EYA3: variants seen among roughly 807,000 people sequenced by gnomAD.
The protein encoded by EYA3 is EYA transcriptional coactivator and phosphatase 3, also known as protein phosphatase EYA3.
A neutral mutation model predicts 80.0 loss-of-function variants in EYA3; 39 were observed. The observed-to-expected ratio is 0.49, with a 90% CI of 0.38 to 0.64. EYA3 has a LOEUF of 0.64. Among genes scored for constraint, EYA3 ranks in the 30% least tolerant of loss-of-function variants. EYA3 has a pLI of 0.00. For missense variants in EYA3, 523 were observed against 676.1 expected (o/e 0.77, Z 2.51); for synonymous variants, 206 against 232.8 (o/e 0.88, Z 1.05).
chr1:28,016,383 G>T (rs1475306800), intron 8 of EYA3, among the ~76,000 whole-genome samples: 1 of 152,040 alleles, frequency 6.6e-6, no homozygotes, highest in African/African-American at 2.4e-5. Flanking sequence ...ACAAAAATTA[G>T]CTGGGCATGG....
At chr1:28,074,529 T>TA (rs1399392183) in intron 1 of EYA3, among the ~76,000 whole-genome samples, 1 of 142,912 alleles carries the variant, frequency 7.0e-6, no homozygotes, top group Non-Finnish European at 1.6e-5. Flanking sequence ...TTTTTTTTTT[T>TA]AAAGAAATGA....
chr1:28,047,921 G>A lies in EYA3; in HGVS notation c.77+462C>T, dbSNP rs142692273. Among the ~76,000 whole-genome samples, 1,232 of 152,296 alleles carry A rather than the reference G, an allele frequency of 8.1e-3. 9 individuals are homozygous for A. The highest frequency in any genetic ancestry group is 0.037 in the East Asian group (193 of 5,190). ...CCCAAAGTGCTGGGATTACAGGCGT[G>A]AGCGACCGTGCCAGGCGCAAGCTTC... On this transcript the variant is annotated intron_variant, in intron 3 of 17. Transcript: ENST00000373871.
chr1:28,049,167 T>C (rs113659358), intron 2 of EYA3, among the ~76,000 whole-genome samples: 8 of 152,314 alleles, frequency 5.3e-5, no homozygotes, highest in South Asian at 2.1e-4. Context: ...TCCTAGATAA[T>C]TTGAAGCAAG....
chr1:28,035,665 A>G lies in EYA3; in HGVS notation c.240T>C (p.Ile80=). The G allele has an allele frequency of 6.2e-7, 1 of 1,613,988 alleles. No individual in the cohort carries two copies. Among genetic ancestry groups the G allele is most frequent in the South Asian group, 1.1e-5 (1 of 91,030 alleles). The change falls in exon 6 of 18, where the codon ATT becomes ATC. Residue 80 remains isoleucine, a synonymous_variant. Transcript: ENST00000373871. The part of the protein sequence containing the change: ...QMYSAKPYAH[I]LSVPVSETAY... ...CAGTTTCCGAAACAGGAACTGAGAGAATATGTGCATAAGGTCTGGAAAATT... is the reference window on the plus strand; with the variant it reads ...CAGTTTCCGAAACAGGAACTGAGAGGATATGTGCATAAGGTCTGGAAAATT...
At chr1:28,051,577 C>T (rs1644252031) in intron 2 of EYA3, among the ~76,000 whole-genome samples, 1 of 152,102 alleles carries the variant, frequency 6.6e-6, no homozygotes, top group Admixed American at 6.5e-5. Context: ...ATCTCAGCTA[C>T]TCAGGAGGCT....
At chr1:27,974,620 T>C in intron 17 of EYA3, 74 bp from the exon 18 acceptor site, 1 of 1,237,980 alleles carries the variant, frequency 8.1e-7, no homozygotes, top group Non-Finnish European at 1.2e-6. Flanking sequence ...CCATACTCTT[T>C]CCTCAACACA....
intron 14 of EYA3, among the ~76,000 whole-genome samples, chr1:27,990,899 T>A (rs1212833068): frequency 6.6e-6 from 1 of 151,916 alleles, no homozygotes; most frequent in Non-Finnish European, 1.5e-5. Context: ...AGAGTAGTGC[T>A]ACCCAGAATG....
At chr1:28,080,423 C>T (rs1416728332) in intron 1 of EYA3, among the ~76,000 whole-genome samples, 1 of 152,134 alleles carries the variant, frequency 6.6e-6, no homozygotes, top group East Asian at 1.9e-4. Flanking sequence ...CGTCACTACG[C>T]TTCAGCCCAG....
chr1:27,992,326 G>C (rs1338943774), intron 14 of EYA3, among the ~76,000 whole-genome samples: 1 of 152,172 alleles, frequency 6.6e-6, no homozygotes, highest in East Asian at 1.9e-4. Flanking sequence ...TCAGGCATTA[G>C]TTAGATTTTC....
intron 1 of EYA3, among the ~76,000 whole-genome samples, chr1:28,067,901 CTTATT>C (rs895461096): frequency 1.8e-4 from 27 of 152,068 alleles, no homozygotes; most frequent in Non-Finnish European, 5.9e-5. Flanking sequence ...AAATGTAATC[CTTATT>C]TTAAAGTTGA....
intron 9 of EYA3, 45 bp from the exon 10 acceptor site, chr1:28,011,131 A>C (rs962620955): frequency 6.3e-7 from 1 of 1,592,064 alleles, no homozygotes; most frequent in Non-Finnish European, 8.5e-7. Context: ...GTCACAGGCT[A>C]TAAGAATCAG....
chr1:28,058,972 TTTAA>T (rs556825951), intron 1 of EYA3, among the ~76,000 whole-genome samples: 137 of 152,356 alleles, frequency 9.0e-4, no homozygotes, highest in African/African-American at 3.1e-3. Context: ...TGCTTGTATA[TTTAA>T]TTAAAGTCAC....
At chr1:28,010,919 AG>A (rs1020648446) in intron 10 of EYA3, 27 bp downstream of exon 10, 3 of 1,601,832 alleles carry the variant, frequency 1.9e-6, no homozygotes, top group Non-Finnish European at 2.6e-6. Context: ...AGAACAAAGT[AG>A]GTAACTAAAT....
At chr1:28,085,459 T>C (rs1395166363) in intron 1 of EYA3, among the ~76,000 whole-genome samples, 1 of 151,700 alleles carries the variant, frequency 6.6e-6, no homozygotes, top group African/African-American at 2.4e-5. Flanking sequence ...GTTTTTTGTC[T>C]CAAAAAAACA....
Position 28,007,947 on chromosome 1 carries a change from T to C in EYA3, c.909+3000A>G, listed in dbSNP as rs544220984. On this transcript the variant is annotated intron_variant, in intron 10 of 17. Transcript: ENST00000373871. ...CCAAATAGCCAAAACTGTCTTGAAA[T>C]AGAACAAAGTTGAAGGATTCACACT... Among the ~76,000 whole-genome samples, 3 of 152,144 alleles carry C rather than the reference T, an allele frequency of 2.0e-5. No homozygotes were observed. The South Asian group carries it at 6.2e-4, about 31-fold the overall frequency.
rs779518349 is a variant in EYA3, at chr1:27,977,423, G to T, written c.1641+951C>A. 8 of 1,542,078 alleles carry T rather than the reference G, an allele frequency of 5.2e-6. No homozygotes were observed. The East Asian group carries it at 1.5e-4, about 28-fold the overall frequency. ...AAATAAATTGGGATAGGGAGGGAAA[G>T]AACTTCTACAGATCCATTTAGCAGA... is the stretch of plus-strand genomic sequence containing the variant. On this transcript the variant is annotated intron_variant, in intron 17 of 17. Transcript: ENST00000373871.
chr1:27,982,155 C>T (rs1475075201), intron 16 of EYA3, among the ~76,000 whole-genome samples: 4 of 152,034 alleles, frequency 2.6e-5, no homozygotes, highest in East Asian at 3.9e-4. Flanking sequence ...TACAGGTGCC[C>T]GCCACCATGC....
intron 1 of EYA3, among the ~76,000 whole-genome samples, chr1:28,073,256 C>T (rs1266208036): frequency 2.8e-5 from 4 of 143,756 alleles, no homozygotes; most frequent in Admixed American, 1.4e-4. Flanking sequence ...CCTCAGCCTC[C>T]CAAGTAGCTG....
intron 2 of EYA3, among the ~76,000 whole-genome samples, chr1:28,051,233 C>T (rs1282973557): frequency 6.6e-6 from 1 of 151,968 alleles, no homozygotes; most frequent in Non-Finnish European, 1.5e-5. Context: ...GAAATCCTAA[C>T]GAATCCATTA....
Sources: allele counts gnomAD v4.1 joint callset (sites outside exome capture counted in the v4.1 genomes callset), GRCh38; gene constraint gnomAD v4.1.1; transcripts MANE v1.5; gene names NCBI Gene and HGNC (gene_info 2026-07-23, HGNC 2026-07-21).